Variants in CLN6 observed in about 807,000 individuals in gnomAD.
CLN6 encodes the protein CLN6 transmembrane ER protein.
CLN6 carries 22 observed loss-of-function variants against 33.3 expected under a neutral mutation model. The observed-to-expected ratio is 0.66, with a 90% confidence interval of 0.47 to 0.94. The LOEUF (loss-of-function observed/expected upper bound fraction) is 0.94, where lower values mean the gene tolerates loss of function less well. Among genes scored for constraint, CLN6 ranks in the 40% least tolerant of loss-of-function variants. The pLI is 0.00. For synonymous variants in CLN6, 201 were observed against 174.6 expected (o/e 1.15, Z -1.19); for missense variants, 387 against 417.1 (o/e 0.93, Z 0.63).
chr15:68,256,762 G>A lies in CLN6; in HGVS notation c.107C>T (p.Ala36Val). ...TGGCGCCTGCGCCAGTGGCTTGAAG[G>A]CTCGGCTCAAGCCCGCCTCGCCTCC... The change falls in exon 1 of 7, where the codon GCC becomes GTC. Residue 36 changes from alanine to valine, a missense_variant. Ala to Val is a moderately conservative substitution (Grantham distance 64, BLOSUM62 0). Transcript: ENST00000538696. The surrounding 1 kb of genome is among the most constrained non-coding windows in gnomAD (Gnocchi z 4.1). 3 of 702,032 alleles carry A rather than the reference G, an allele frequency of 4.3e-6. No individual in the cohort carries two copies. Among genetic ancestry groups the A allele is most frequent in the Middle Eastern group, 2.3e-4 (1 of 4,364 alleles). 43.5% of individuals were successfully genotyped at this position (702,032 alleles called of 1,614,324 possible).
In CLN6 at chr15:68,211,756, G is replaced by A. The variant is rs908509779; in HGVS notation, c.405C>T (p.His135=). The change falls in exon 4 of 7, where the codon CAC becomes CAT. Residue 135 remains histidine, a synonymous_variant. Coordinates refer to ENST00000249806, the MANE Select transcript of CLN6 (RefSeq NM_017882.3). This position sits in a 1 kb window ranked among gnomAD's most constrained non-coding sequence, Gnocchi z 5.9. ...GCTGGTAGCCACTGAAGAGCAGGCGGTGGTTGACAGAGTCACCCACCAGGT... is the reference window on the plus strand; with the variant it reads ...GCTGGTAGCCACTGAAGAGCAGGCGATGGTTGACAGAGTCACCCACCAGGT... ...SIHLVGDSVN[H]RLLFSGYQHH... The A allele has an allele frequency of 3.7e-6, 6 of 1,613,908 alleles. No homozygotes were observed. The highest frequency in any genetic ancestry group is 3.3e-5 in the Admixed American group (2 of 60,002).
At chr15:68,252,268 C>T (rs934175494) in intron 1 of CLN6, among the ~76,000 whole-genome samples, 15 of 152,192 alleles carry the variant, frequency 9.9e-5, no homozygotes, top group Middle Eastern at 6.8e-3. Flanking sequence ...GCCACCACAC[C>T]CGGTCTTGTG....
At chr15:68,243,014 A>C (rs1161022816) in intron 1 of CLN6, among the ~76,000 whole-genome samples, 1 of 152,238 alleles carries the variant, frequency 6.6e-6, no homozygotes, top group Non-Finnish European at 1.5e-5. Flanking sequence ...ACGACTGCAG[A>C]AACAGTTTTA....
At position 68,234,817 on chromosome 15, in the gene CLN6, G is replaced by A. The variant is rs1187196984; in HGVS notation, c.180-16167C>T. ...AGATCATTTGAGGTCGGGAGTTTGAGACCAGCCTGGCCAACATAGTGAAAC... is the reference window on the plus strand; with the variant it reads ...AGATCATTTGAGGTCGGGAGTTTGAAACCAGCCTGGCCAACATAGTGAAAC... On this transcript the variant is annotated intron_variant, in intron 1 of 6. Coordinates refer to the CLN6 transcript ENST00000538696. This position sits in a 1 kb window ranked among gnomAD's most constrained non-coding sequence, Gnocchi z 4.1. Among the ~76,000 whole-genome samples, 1 of 152,206 alleles carries A rather than the reference G, an allele frequency of 6.6e-6. No homozygotes were observed. The highest frequency in any genetic ancestry group is 1.5e-5 in the Non-Finnish European group (1 of 68,046).
chr15:68,214,475 C>T (rs2093215216), intron 2 of CLN6, 87 bp from the exon 3 acceptor site: 1 of 852,122 alleles, frequency 1.2e-6, no homozygotes, highest in South Asian at 1.4e-5. Flanking sequence ...TAATGCCGCC[C>T]ACCCCAACTC....
In CLN6 at chr15:68,254,785, G is replaced by A. The variant is rs529378042; in HGVS notation, c.179+1905C>T. The A allele has an allele frequency of 1.9e-4, 177 of 921,642 alleles. No homozygotes were observed. The African/African-American group carries it at 2.6e-3, about 13-fold the overall frequency. The allele number at this position is 921,642 out of a possible 1,614,324, so 57.1% of individuals were successfully genotyped here. A position where few individuals can be genotyped will look rare whatever the true frequency, so the allele number is the denominator to read the frequency against. On this transcript the variant is annotated intron_variant, in intron 1 of 6. Coordinates refer to the CLN6 transcript ENST00000538696. ...AGGCCCCTGCAAAGAAGGGAGAGAA[G>A]GTACCAAAAGGGAAAAGGGAAAAGC...
chr15:68,221,022 TA>T (rs1208206988), intron 1 of CLN6, among the ~76,000 whole-genome samples: 1,629 of 151,602 alleles, frequency 0.011, 6 homozygotes, highest in Non-Finnish European at 0.013. Flanking sequence ...TTATTATTAT[TA>T]TTATTTTTTG....
chr15:68,246,672 A>G lies in CLN6; in HGVS notation c.179+10018T>C, dbSNP rs570459741. On this transcript the variant is annotated intron_variant, in intron 1 of 6. Coordinates refer to the CLN6 transcript ENST00000538696. This position sits in a 1 kb window ranked among gnomAD's most constrained non-coding sequence, Gnocchi z 4.5. ...CACCTCAAGGAACTAGAAAAACAAG[A>G]ACAAACCAAACATGTTAGAAGGAAA... Among the ~76,000 whole-genome samples, 139 of 152,258 alleles carry G rather than the reference A, an allele frequency of 9.1e-4. 1 individual carries two copies. The highest frequency in any genetic ancestry group is 2.1e-3 in the Admixed American group (32 of 15,292).
rs754101446 is a variant in CLN6, at chr15:68,214,409, T to C, written c.199-21A>G. The C allele has an allele frequency of 5.1e-6, 8 of 1,578,094 alleles. No individual in the cohort carries two copies. The Admixed American group carries it at 1.0e-4, about 20-fold the overall frequency. ...ACCAGCTGCGGAGCAAATGGAAGAA[T>C]GGGCTCACCTGGGCACAGCCCCACG... On this transcript the variant is annotated intron_variant, in intron 2 of 6. Coordinates refer to ENST00000249806, the MANE Select transcript of CLN6 (RefSeq NM_017882.3).
intron 1 of CLN6, among the ~76,000 whole-genome samples, chr15:68,238,607 T>G (rs1317951800): frequency 6.6e-6 from 1 of 152,156 alleles, no homozygotes; most frequent in Non-Finnish European, 1.5e-5. Flanking sequence ...CCCAGAATTG[T>G]GTGCCAGCAA....
chr15:68,208,094 G>GCCCCCCCCCCCCCCCCCC lies in CLN6; in HGVS notation c.*45_*46insGGGGGGGGGGGGGGGGGG. ...CTCCTGTATTCAGATGCCCTCCATG[G>GCCCCCCCCCCCCCCCCCC]CCCACCCTCCCACCCAGCAGAGCGC... On this transcript the variant is annotated 3_prime_UTR_variant, in exon 7 of 7. Coordinates refer to ENST00000249806, the MANE Select transcript of CLN6 (RefSeq NM_017882.3). This position sits in a 1 kb window ranked among gnomAD's most constrained non-coding sequence, Gnocchi z 5.8. The GCCCCCCCCCCCCCCCCCC allele has an allele frequency of 5.8e-6, 8 of 1,375,276 alleles. No homozygotes were observed. The highest frequency in any genetic ancestry group is 1.4e-5 in the African/African-American group (1 of 69,478). The allele number at this position is 1,375,276 out of a possible 1,614,324, so 85.2% of individuals were successfully genotyped here.
rs752361718 is a variant in CLN6 at position 68,218,593 on chromosome 15, G to A, written c.141C>T (p.Leu47=). The A allele has an allele frequency of 1.2e-6, 2 of 1,614,054 alleles. No homozygotes were observed. The highest frequency in any genetic ancestry group is 1.7e-5 in the Admixed American group (1 of 60,024). The change falls in exon 2 of 7, where the codon CTC becomes CTT. Residue 47 remains leucine (L), a synonymous_variant. Transcript: ENST00000249806. ...AARTAPFHLD[L]WFYFTLQNWV... ...AGTTCTGCAGTGTGAAGTAGAACCA[G>A]AGGTCGAGGTGGAAGGGAGCCGTGC...
rs1192404513 is a variant in CLN6 at position 68,228,632 on chromosome 15, C to T, written c.83+870G>A. Among the ~76,000 whole-genome samples, 2 of 152,150 alleles carry T rather than the reference C, an allele frequency of 1.3e-5. No individual in the cohort carries two copies. The highest frequency in any genetic ancestry group is 4.8e-5 in the African/African-American group (2 of 41,424). ...CCACTGTTTCCCTGGATGGAACAGCCTGTCTTCCCTGGGTCCCCTACCAAG... is the reference window on the plus strand; with the variant it reads ...CCACTGTTTCCCTGGATGGAACAGCTTGTCTTCCCTGGGTCCCCTACCAAG... On this transcript the variant is annotated intron_variant, in intron 1 of 6. Transcript: ENST00000249806. The surrounding 1 kb of genome is among the most constrained non-coding windows in gnomAD (Gnocchi z 4.4).
At position 68,219,215 on chromosome 15, in the gene CLN6, C is replaced by A. The variant is rs1383840274; in HGVS notation, c.84-565G>T. Among the ~76,000 whole-genome samples the A allele has an allele frequency of 6.6e-6, 1 of 152,162 alleles. No individual in the cohort carries two copies. The highest frequency in any genetic ancestry group is 1.5e-5 in the Non-Finnish European group (1 of 68,026). On this transcript the variant is annotated intron_variant, in intron 1 of 6. Transcript: ENST00000249806. This position sits in a 1 kb window ranked among gnomAD's most constrained non-coding sequence, Gnocchi z 4.2. The stretch of plus-strand genomic sequence containing the variant: ...TGGGCTCCTGAGCTTATACTTTTAA[C>A]CTCCATCCCATAGTTGGGTCCATCA...
rs776425981 is a variant in CLN6 at position 68,210,523 on chromosome 15, T to G, written c.542+740A>C. Among the ~76,000 whole-genome samples, 1 of 152,156 alleles carries G rather than the reference T, an allele frequency of 6.6e-6. No homozygotes were observed. The highest frequency in any genetic ancestry group is 1.5e-5 in the Non-Finnish European group (1 of 68,008). On this transcript the variant is annotated intron_variant, in intron 5 of 6. Coordinates refer to ENST00000249806, the MANE Select transcript of CLN6 (RefSeq NM_017882.3). This position sits in a 1 kb window ranked among gnomAD's most constrained non-coding sequence, Gnocchi z 5.6. ...AAATGCCCGTGCAGGGTGCGTGTGC[T>G]GTGAGCACCAACTCAGGAGTGAGCC...
intron 1 of CLN6, among the ~76,000 whole-genome samples, chr15:68,244,879 C>G (rs540650485): frequency 6.6e-6 from 1 of 151,806 alleles, no homozygotes; most frequent in Non-Finnish European, 1.5e-5. Context: ...CATGGTGAAA[C>G]GCTGTCTCTA....
rs1240757810 is a variant in CLN6, at chr15:68,241,637, C to G, written c.179+15053G>C. ...CAAGGAGGGAGGTGGGGATACTATC[C>G]CTAGCCCTAGAAACATGGTTCTGTA... On this transcript the variant is annotated intron_variant, in intron 1 of 6. Coordinates refer to the CLN6 transcript ENST00000538696. The surrounding 1 kb of genome is among the most constrained non-coding windows in gnomAD (Gnocchi z 4.2). Among the ~76,000 whole-genome samples, 1 of 152,154 alleles carries G rather than the reference C, an allele frequency of 6.6e-6. No homozygotes were observed. Among genetic ancestry groups the G allele is most frequent in the African/African-American group, 2.4e-5 (1 of 41,436 alleles).
chr15:68,253,957 A>C (rs1467545905), intron 1 of CLN6, among the ~76,000 whole-genome samples: 1 of 150,696 alleles, frequency 6.6e-6, no homozygotes, highest in Non-Finnish European at 1.5e-5. Context: ...GGCTCACTGC[A>C]AGCTCCGCCT....
Position 68,227,973 on chromosome 15 carries a change from C to T in CLN6, c.83+1529G>A, listed in dbSNP as rs981640832. ...GAAGAGGCTGCCTGGAAGAGGGGAG[C>T]TGGTAAATGGGTTGGGTCACAGCAG... On this transcript the variant is annotated intron_variant, in intron 1 of 6. Transcript: ENST00000249806. This position sits in a 1 kb window ranked among gnomAD's most constrained non-coding sequence, Gnocchi z 4.1. Among the ~76,000 whole-genome samples the T allele has an allele frequency of 2.6e-5, 4 of 152,160 alleles. No homozygotes were observed. Among genetic ancestry groups the T allele is most frequent in the African/African-American group, 9.7e-5 (4 of 41,416 alleles).
Sources: gnomAD v4.1 joint callset for allele counts (sites outside exome capture counted in the v4.1 genomes callset) on GRCh38, gnomAD v4.1.1 for gene constraint, Gnocchi (gnomAD v3.1) non-coding constraint, MANE v1.5 for transcripts, NCBI Gene and HGNC (gene_info 2026-07-23, HGNC 2026-07-21) for gene names.